PTK2B: variants seen among roughly 807,000 people sequenced by gnomAD.
The protein encoded by PTK2B is protein tyrosine kinase 2 beta.
In PTK2B, 71 loss-of-function variants were observed where a neutral mutation model predicts 142.9. The ratio of observed to expected loss-of-function variants is 0.50; its 90% CI spans 0.41 to 0.61. The LOEUF (loss-of-function observed/expected upper bound fraction) is 0.61. Among genes scored for constraint, PTK2B ranks in the 20% least tolerant of loss-of-function variants. The pLI, the probability that PTK2B is intolerant of heterozygous loss-of-function variation, is 0.00. For missense variants in PTK2B, 1,105 were observed against 1,320.4 expected (o/e 0.84, Z 2.53); for synonymous variants, 519 against 503.4 (o/e 1.03, Z -0.42).
chr8:27,442,748 G>A lies in PTK2B; in HGVS notation c.2040-127G>A, dbSNP rs527595383. ...CCCAGGACACTCTGCAGTGAAGATCGAAACGGAAATGGGACCTAGCAACCT... is the reference window on the plus strand; with the variant it reads ...CCCAGGACACTCTGCAGTGAAGATCAAAACGGAAATGGGACCTAGCAACCT... On this transcript the variant is annotated intron_variant, in intron 21 of 30. Transcript: ENST00000346049. The A allele has an allele frequency of 9.6e-5, 70 of 729,800 alleles. No homozygotes were observed. In the African/African-American group the frequency reaches 1.0e-3, roughly 11 times the overall value. 45.2% of individuals were successfully genotyped at this position (729,800 alleles called of 1,614,324 possible).
chr8:27,329,138 A>G (rs1350650140), intron 1 of PTK2B, among the ~76,000 whole-genome samples: 1 of 152,032 alleles, frequency 6.6e-6, no homozygotes, highest in Non-Finnish European at 1.5e-5. Context: ...GGGTTTCGCC[A>G]TGTTGGCCAG....
At position 27,433,509 on chromosome 8, in the gene PTK2B, G is replaced by A. The variant is rs778321888; in HGVS notation, c.1062G>A (p.Leu354=). 2 of 1,614,194 alleles carry A rather than the reference G, an allele frequency of 1.2e-6. No individual in the cohort carries two copies. Among genetic ancestry groups the A allele is most frequent in the African/African-American group, 1.3e-5 (1 of 75,066 alleles). Residue 354 remains leucine (L), a synonymous_variant, in exon 11 of 31, where the codon CTG becomes CTA. Transcript: ENST00000346049. ...MADLIDGYCR[L]QGEHQGSLII... ...ACCTCATAGACGGCTACTGCCGGCT[G>A]CAGGGTGAGCACCAAGGCTCTCTCA...
intron 1 of PTK2B, among the ~76,000 whole-genome samples, chr8:27,364,087 C>T (rs1207598343): frequency 1.3e-5 from 2 of 152,198 alleles, no homozygotes; most frequent in Admixed American, 6.5e-5. Context: ...GCTGCATCAG[C>T]GTCCCGTTTT....
intron 1 of PTK2B, among the ~76,000 whole-genome samples, chr8:27,377,285 A>G (rs1806730311): frequency 6.6e-6 from 1 of 152,090 alleles, no homozygotes; most frequent in Non-Finnish European, 1.5e-5. Flanking sequence ...CACGGCCAAC[A>G]CTCAGTGTTG....
Position 27,435,808 on chromosome 8 carries a change from C to G in PTK2B, c.1243+15C>G. 6.2e-7 allele frequency: 1 copy of G among 1,613,068 alleles called. No individual in the cohort carries two copies. Among genetic ancestry groups the G allele is most frequent in the Non-Finnish European group, 8.5e-7 (1 of 1,179,044 alleles). ...AAGGCCCGGAGGTAGGTTCTCGACC[C>G]CGCCACAGCGACCGTAGTCAAGGCC... On this transcript the variant is annotated intron_variant, in intron 14 of 30. Transcript: ENST00000346049.
chr8:27,373,389 G>A (rs1053123886), intron 1 of PTK2B, among the ~76,000 whole-genome samples: 1 of 152,202 alleles, frequency 6.6e-6, no homozygotes, highest in Non-Finnish European at 1.5e-5. Context: ...GGGGACTTGG[G>A]TAGTGGTGGG....
At chr8:27,406,573 G>A (rs1001759621) in intron 2 of PTK2B, among the ~76,000 whole-genome samples, 5 of 152,130 alleles carry the variant, frequency 3.3e-5, no homozygotes, top group African/African-American at 9.7e-5. Context: ...CCCAGGAGCC[G>A]TTCCACACCT....
rs956482312 is a variant in PTK2B, at chr8:27,411,822, T to C, written c.205-8073T>C. Among the ~76,000 whole-genome samples, 3 of 152,192 alleles carry C rather than the reference T, an allele frequency of 2.0e-5. No homozygotes were observed. In the East Asian group the frequency reaches 5.8e-4, roughly 29 times the overall value. ...GCATCCTCCACAAGACTCCCTCCCC[T>C]TACACCCCAATTGCAAGCTCCAGGA... is the stretch of plus-strand genomic sequence containing the variant. On this transcript the variant is annotated intron_variant, in intron 2 of 30. Transcript: ENST00000346049.
At chr8:27,389,304 AGAAG>A (rs1285113904) in intron 1 of PTK2B, among the ~76,000 whole-genome samples, 1 of 152,048 alleles carries the variant, frequency 6.6e-6, no homozygotes, top group Non-Finnish European at 1.5e-5. Context: ...AAGGAAGGAA[AGAAG>A]GAAGGAAGAC....
rs549580179 is a variant in PTK2B at position 27,315,549 on chromosome 8, T to G, written c.-414+2262T>G. Among the ~76,000 whole-genome samples, 3 of 152,296 alleles carry G rather than the reference T, an allele frequency of 2.0e-5. No homozygotes were observed. In the South Asian group the frequency reaches 6.2e-4, roughly 32 times the overall value. On this transcript the variant is annotated intron_variant, in intron 3 of 35. Transcript: ENST00000397501. The stretch of plus-strand genomic sequence containing the variant: ...TTCACTGTGTTCTCTTATCTCTGTG[T>G]CCCAGTTGTGTTGTGAATCGATATG...
intron 3 of PTK2B, among the ~76,000 whole-genome samples, chr8:27,316,296 T>G (rs757068655): frequency 6.6e-5 from 10 of 151,916 alleles, no homozygotes; most frequent in Non-Finnish European, 1.3e-4. Flanking sequence ...TTGCCTTGTT[T>G]TTTTTTTTTT....
intron 1 of PTK2B, among the ~76,000 whole-genome samples, chr8:27,369,338 C>A (rs976450471): frequency 6.6e-6 from 1 of 152,118 alleles, no homozygotes; most frequent in South Asian, 2.1e-4. Flanking sequence ...TTTCTATCTG[C>A]AAAGAACCCA....
chr8:27,337,288 A>G lies in PTK2B; in HGVS notation c.-38+11607A>G, dbSNP rs184970784. On this transcript the variant is annotated intron_variant, in intron 1 of 30. Coordinates refer to ENST00000346049, the MANE Select transcript of PTK2B (RefSeq NM_173176.3). Reference sequence around the variant, plus strand: ...GTAGCTGGAATTACAGGCACCTGCCATCATGCCTGGCTAGTTTTTGTATTT... The same window carrying G: ...GTAGCTGGAATTACAGGCACCTGCCGTCATGCCTGGCTAGTTTTTGTATTT... Among the ~76,000 whole-genome samples the G allele has an allele frequency of 4.6e-3, 700 of 152,242 alleles. 13 individuals are homozygous for G. Among genetic ancestry groups the G allele is most frequent in the Admixed American group, 0.029 (449 of 15,284 alleles).
intron 1 of PTK2B, among the ~76,000 whole-genome samples, chr8:27,377,810 A>T (rs554135910): frequency 6.6e-6 from 1 of 152,332 alleles, no homozygotes; most frequent in Non-Finnish European, 1.5e-5. Context: ...CCAAGAGCAC[A>T]GTTCACAGGT....
intron 7 of PTK2B, 52 bp downstream of exon 7, chr8:27,430,470 G>A: frequency 6.2e-7 from 1 of 1,603,678 alleles, no homozygotes; most frequent in Non-Finnish European, 8.5e-7. Context: ...CGAGACTAGA[G>A]TGTAAGGGAT....
At chr8:27,425,023 A>C (rs1254320138) in intron 5 of PTK2B, among the ~76,000 whole-genome samples, 1 of 152,094 alleles carries the variant, frequency 6.6e-6, no homozygotes, top group African/African-American at 2.4e-5. Context: ...AGATTCCTTC[A>C]TCTGTAAAAT....
chr8:27,330,443 T>C (rs530123741), intron 1 of PTK2B, among the ~76,000 whole-genome samples: 1 of 152,336 alleles, frequency 6.6e-6, no homozygotes, highest in Non-Finnish European at 1.5e-5. Context: ...CAGTTCACTG[T>C]GTTTTGGCAA....
chr8:27,438,295 T>A (rs1328901226), intron 18 of PTK2B, among the ~76,000 whole-genome samples: 1 of 152,052 alleles, frequency 6.6e-6, no homozygotes, highest in East Asian at 1.9e-4. Context: ...GACATCACCC[T>A]GGTTGCCGAC....
At chr8:27,453,903 A>G (rs911164705) in intron 28 of PTK2B, 4 of 471,444 alleles carry the variant, frequency 8.5e-6, no homozygotes, top group Non-Finnish European at 1.5e-5. Flanking sequence ...CCTGCACCCT[A>G]TGTCCAGGTG....
Sources: allele counts gnomAD v4.1 joint callset (sites outside exome capture counted in the v4.1 genomes callset), GRCh38; gene constraint gnomAD v4.1.1; transcripts MANE v1.5; gene names NCBI Gene and HGNC (gene_info 2026-07-23, HGNC 2026-07-21).